USP34: variants seen among roughly 807,000 people sequenced by gnomAD.
USP34 encodes the protein ubiquitin carboxyl-terminal hydrolase 34.
In USP34, 70 loss-of-function variants were observed where a neutral mutation model predicts 460.3. The ratio of observed to expected loss-of-function variants is 0.15; its 90% confidence interval spans 0.13 to 0.19. The LOEUF (loss-of-function observed/expected upper bound fraction) is 0.19, where lower values mean the gene tolerates loss of function less well. Ranked by LOEUF, USP34 falls within the 10% of genes least tolerant of loss-of-function variation. The pLI is 1.00. For synonymous variants in USP34, 1,647 were observed against 1,405.3 expected, an observed-to-expected ratio of 1.17 and a Z score of -3.85; for missense variants, 3,985 against 4,236.2, an observed-to-expected ratio of 0.94 and a Z score of 1.65.
chr2:61,257,009 AT>A, intron 46 of USP34, 42 bp downstream of exon 46: 1 of 1,439,418 alleles, frequency 6.9e-7, no homozygotes, highest in Non-Finnish European at 9.2e-7. Context: ...AAATGAAAAT[AT>A]ATTAAGATCT....
chr2:61,258,795 A>G (rs1401777907), intron 44 of USP34, among the ~76,000 whole-genome samples: 3 of 152,168 alleles, frequency 2.0e-5, no homozygotes, highest in Admixed American at 2.0e-4. Context: ...AGTTTTAGGC[A>G]TTGTAATTAA....
chr2:61,408,063 C>T (rs1242830184), intron 2 of USP34, among the ~76,000 whole-genome samples: 2 of 151,976 alleles, frequency 1.3e-5, no homozygotes, highest in Admixed American at 6.6e-5. Flanking sequence ...TGCAGTGAGC[C>T]GAGATCATGC....
chr2:61,290,456 TA>T (rs1295040660), intron 33 of USP34, among the ~76,000 whole-genome samples: 4 of 152,266 alleles, frequency 2.6e-5, no homozygotes, highest in African/African-American at 9.6e-5. Flanking sequence ...GGTGAGCAGA[TA>T]AATGAACCGT....
At chr2:61,356,434 G>A (rs1282134205) in intron 10 of USP34, among the ~76,000 whole-genome samples, 1 of 151,972 alleles carries the variant, frequency 6.6e-6, no homozygotes, top group Non-Finnish European at 1.5e-5. Context: ...AGGTTGCAGT[G>A]AGCCATAATT....
intron 27 of USP34, among the ~76,000 whole-genome samples, chr2:61,306,146 T>C (rs1305703607): frequency 6.6e-6 from 1 of 152,216 alleles, no homozygotes; most frequent in African/African-American, 2.4e-5. Context: ...ATGAAGTCCT[T>C]GCCCATGCCT....
chr2:61,241,421 A>G lies in USP34; in HGVS notation c.6777+139T>C, dbSNP rs555501282. ...TTACGGGTCTTATATCAGTATTACC[A>G]AGACTATTTGTAAATACTCTTAAGA... On this transcript the variant is annotated intron_variant, in intron 53 of 79. Coordinates refer to ENST00000398571, the MANE Select transcript of USP34 (RefSeq NM_014709.4). 1.2e-5 allele frequency: 7 copies of G among 578,054 alleles called. No individual in the cohort carries two copies. In the East Asian group the frequency reaches 2.2e-4, roughly 18 times the overall value. The allele number at this position is 578,054 out of a possible 1,614,324, so 35.8% of individuals were successfully genotyped here. A position where few individuals can be genotyped will look rare whatever the true frequency, so the allele number is the denominator to read the frequency against.
At position 61,188,697 on chromosome 2, in the gene USP34, G is replaced by C; in HGVS notation, c.10046C>G (p.Ala3349Gly). 6.2e-7 allele frequency: 1 copy of C among 1,613,200 alleles called. No homozygotes were observed. The highest frequency in any genetic ancestry group is 8.5e-7 in the Non-Finnish European group (1 of 1,179,616). ...KERKTKDDEGATPIKRRRVSS... is the reference protein window; with the variant it reads ...KERKTKDDEGGTPIKRRRVSS... Reference sequence around the variant, plus strand: ...AACACGCCGCCTTTTAATGGGAGTTGCTCCTTCATCATCTGTGAAAACACA... The same window carrying C: ...AACACGCCGCCTTTTAATGGGAGTTCCTCCTTCATCATCTGTGAAAACACA... The change falls in exon 80 of 80, where the codon GCA becomes GGA. Residue 3349 changes from alanine to glycine, a missense_variant. Transcript: ENST00000398571.
intron 20 of USP34, among the ~76,000 whole-genome samples, chr2:61,327,313 G>C (rs1317307517): frequency 1.3e-5 from 2 of 152,190 alleles, no homozygotes; most frequent in African/African-American, 4.8e-5. Context: ...ACTCACCTTT[G>C]TGAAAGTGAA....
chr2:61,358,147 G>A (rs190091119), intron 10 of USP34, among the ~76,000 whole-genome samples: 36 of 152,022 alleles, frequency 2.4e-4, no homozygotes, highest in Admixed American at 2.0e-3. Context: ...AACCAAGATT[G>A]CACCACGGCA....
In USP34 at chr2:61,285,642, T is replaced by C. The variant is rs535837254; in HGVS notation, c.4750-685A>G. Among the ~76,000 whole-genome samples the C allele has an allele frequency of 3.0e-4, 45 of 152,324 alleles. 1 individual carries two copies. The South Asian group carries it at 8.9e-3, about 30-fold the overall frequency. On this transcript the variant is annotated intron_variant, in intron 34 of 79. Coordinates refer to ENST00000398571, the MANE Select transcript of USP34 (RefSeq NM_014709.4). ...GAAATATATACATGTCAGTGGTTTC[T>C]TGGGAAGGGGTTGGTGAATAATTAA...
At chr2:61,468,153 G>C (rs1417773918) in intron 1 of USP34, among the ~76,000 whole-genome samples, 1 of 152,130 alleles carries the variant, frequency 6.6e-6, no homozygotes, top group South Asian at 2.1e-4. Context: ...ACTTTTAATA[G>C]TGTGGTATAA....
intron 41 of USP34, among the ~76,000 whole-genome samples, chr2:61,272,733 T>G (rs760234487): frequency 2.5e-4 from 38 of 152,112 alleles, no homozygotes; most frequent in Non-Finnish European, 5.6e-4. Flanking sequence ...GAAGGGGAAA[T>G]TATAATTTGA....
At chr2:61,287,209 G>A (rs548783548) in intron 34 of USP34, among the ~76,000 whole-genome samples, 1 of 152,096 alleles carries the variant, frequency 6.6e-6, no homozygotes, top group Non-Finnish European at 1.5e-5. Context: ...ATTTATACCA[G>A]TACTTTCTAA....
At chr2:61,371,747 G>C (rs1001731725) in intron 8 of USP34, among the ~76,000 whole-genome samples, 2 of 152,100 alleles carry the variant, frequency 1.3e-5, no homozygotes, top group Non-Finnish European at 2.9e-5. Flanking sequence ...AACTCACCCA[G>C]AGCAACTTCC....
intron 50 of USP34, 54 bp from the exon 51 acceptor site, chr2:61,245,342 A>G: frequency 1.9e-6 from 2 of 1,034,010 alleles, no homozygotes; most frequent in Non-Finnish European, 2.8e-6. Flanking sequence ...GTATCTTCAT[A>G]TTATGTCTAC....
At chr2:61,218,316 GAAAAAA>G (rs79272493) in intron 67 of USP34, among the ~76,000 whole-genome samples, 1 of 89,758 alleles carries the variant, frequency 1.1e-5, no homozygotes, top group Non-Finnish European at 2.3e-5. Flanking sequence ...AAACTTCCAG[GAAAAAA>G]AAAAAAAAAA....
At position 61,353,569 on chromosome 2, in the gene USP34, GTTTTTGTTT is replaced by G. The variant is rs1042270038; in HGVS notation, c.1252-2885_1252-2877del. On this transcript the variant is annotated intron_variant, in intron 10 of 79. Coordinates refer to ENST00000398571, the MANE Select transcript of USP34 (RefSeq NM_014709.4). ...ACCACACCCAGCTAGTTTTGTTTTTGTTTTTGTTTTTTTTGTTTAGTTGGGTTTTTTTTG... is the reference window on the plus strand; with the variant it reads ...ACCACACCCAGCTAGTTTTGTTTTTGTTTTTGTTTAGTTGGGTTTTTTTTG... Among the ~76,000 whole-genome samples, 3 of 121,084 alleles carry G rather than the reference GTTTTTGTTT, an allele frequency of 2.5e-5. No individual in the cohort carries two copies. In the East Asian group the frequency reaches 6.9e-4, roughly 28 times the overall value. The allele number at this position is 121,084 out of a possible 152,430, so 79.4% of individuals were successfully genotyped here. A position where few individuals can be genotyped will look rare whatever the true frequency, so the allele number is the denominator to read the frequency against.
chr2:61,409,127 C>T (rs180934700), intron 2 of USP34, among the ~76,000 whole-genome samples: 65 of 151,972 alleles, frequency 4.3e-4, no homozygotes, highest in African/African-American at 1.3e-3. Context: ...GGCTGAGGCA[C>T]AAGAATTGCT....
chr2:61,365,090 A>G (rs1247055656), intron 10 of USP34, among the ~76,000 whole-genome samples: 1 of 152,036 alleles, frequency 6.6e-6, no homozygotes, highest in South Asian at 2.1e-4. Flanking sequence ...CGTCTCTACT[A>G]AAACTACAAA....
Sources: gnomAD v4.1 joint callset for allele counts (sites outside exome capture counted in the v4.1 genomes callset) on GRCh38, gnomAD v4.1.1 for gene constraint, MANE v1.5 for transcripts, NCBI Gene and HGNC (gene_info 2026-07-23, HGNC 2026-07-21) for gene names.